Variants in DHX32 observed in about 807,000 individuals in gnomAD.
The protein encoded by DHX32 is putative pre-mRNA-splicing factor ATP-dependent RNA helicase DHX32.
In DHX32, 51 loss-of-function variants were observed where a neutral mutation model predicts 70.0. The observed-to-expected ratio is 0.73, with a 90% CI of 0.58 to 0.92. The LOEUF is 0.92. DHX32 is among the 40% of genes least tolerant of loss of function. The pLI, the probability that DHX32 is intolerant of heterozygous loss-of-function variation, is 0.00. For missense variants in DHX32, 762 were observed against 891.8 expected (o/e 0.85, Z 1.85); for synonymous variants, 310 against 315.3 (o/e 0.98, Z 0.18).
chr10:125,857,382 C>T (rs1157307302), intron 3 of DHX32, among the ~76,000 whole-genome samples: 15 of 152,154 alleles, frequency 9.9e-5, no homozygotes, highest in Non-Finnish European at 5.9e-5. Context: ...GGCTTGCTGC[C>T]CCACCCACAG....
intron 2 of DHX32, among the ~76,000 whole-genome samples, chr10:125,865,235 C>A (rs1018663206): frequency 5.7e-4 from 87 of 152,262 alleles, no homozygotes; most frequent in African/African-American, 2.1e-3. Context: ...CTTGTCCTGT[C>A]CAGCTCTTTA....
In DHX32 at chr10:125,860,904, C is replaced by T. The variant is rs181074181; in HGVS notation, c.477-929G>A. ...AGTAGCTGGGACTACAGGCGCCCGC[C>T]ACCACGCCTGGCTAATTTTTTGTAT... On this transcript the variant is annotated intron_variant, in intron 2 of 10. Transcript: ENST00000284690. Among the ~76,000 whole-genome samples, 695 of 151,884 alleles carry T rather than the reference C, an allele frequency of 4.6e-3. 3 individuals carry two copies. The highest frequency in any genetic ancestry group is 0.015 in the African/African-American group (641 of 41,464).
At chr10:125,877,657 G>A (rs1219590002) in intron 1 of DHX32, among the ~76,000 whole-genome samples, 8 of 152,140 alleles carry the variant, frequency 5.3e-5, no homozygotes, top group African/African-American at 1.9e-4. Context: ...CTGCATTCCA[G>A]CCTGGGTGAC....
chr10:125,860,500 A>G (rs927180228), intron 2 of DHX32, among the ~76,000 whole-genome samples: 26 of 152,322 alleles, frequency 1.7e-4, no homozygotes, highest in Admixed American at 9.8e-4. Flanking sequence ...TGATATCATT[A>G]AGATGTCATC....
At chr10:125,874,249 A>AAAC (rs1463377489) in intron 1 of DHX32, among the ~76,000 whole-genome samples, 1 of 152,234 alleles carries the variant, frequency 6.6e-6, no homozygotes, top group Non-Finnish European at 1.5e-5. Context: ...CAAACTCTTA[A>AAAC]AACAACAACA....
In DHX32 at chr10:125,854,024, T is replaced by C; in HGVS notation, c.1029A>G (p.Gly343=). The C allele has an allele frequency of 2.5e-6, 4 of 1,614,060 alleles. No individual in the cohort carries two copies. Among genetic ancestry groups the C allele is most frequent in the Non-Finnish European group, 2.5e-6 (3 of 1,179,980 alleles). Residue 343 remains glycine (G), a synonymous_variant, in exon 4 of 11, where the codon GGA becomes GGG. Coordinates refer to ENST00000284690, the MANE Select transcript of DHX32 (RefSeq NM_018180.3). ...CTGAGTTGCTCCAGATCAAAAACTC[T>C]CCAGAGCTAGTAGTTAACACCACTC... is the stretch of plus-strand genomic sequence containing the variant. The part of the protein sequence containing the change: ...QRRVVLTTSS[G]EFLIWSNSVR...
chr10:125,840,361 C>T (rs997980992), intron 8 of DHX32, among the ~76,000 whole-genome samples: 10 of 152,232 alleles, frequency 6.6e-5, no homozygotes, highest in Admixed American at 3.3e-4. Flanking sequence ...TATCAAGCTC[C>T]GTCAGCAACT....
intron 1 of DHX32, among the ~76,000 whole-genome samples, chr10:125,891,028 C>G (rs1433115285): frequency 4.6e-5 from 7 of 152,148 alleles, no homozygotes; most frequent in Non-Finnish European, 7.4e-5. Context: ...TAATATACCA[C>G]TCCCTACAAA....
chr10:125,871,862 CTTT>C (rs367881568), intron 1 of DHX32, among the ~76,000 whole-genome samples: 135 of 131,216 alleles, frequency 1.0e-3, no homozygotes, highest in Admixed American at 5.0e-3. Flanking sequence ...TGCTTCTTTT[CTTT>C]TTTTTTTTTT....
intron 3 of DHX32, among the ~76,000 whole-genome samples, chr10:125,855,450 T>C (rs1052177804): frequency 4.7e-5 from 6 of 128,576 alleles, no homozygotes; most frequent in Non-Finnish European, 9.4e-5. Flanking sequence ...GATAAACTGT[T>C]TTTTTTTTTT....
chr10:125,853,880 G>C, intron 4 of DHX32, 81 bp downstream of exon 4: 1 of 1,513,884 alleles, frequency 6.6e-7, no homozygotes, highest in Non-Finnish European at 8.9e-7. Flanking sequence ...CTCACTTCCT[G>C]ATCAGTAAAA....
chr10:125,868,012 A>T (rs996945414), intron 1 of DHX32, among the ~76,000 whole-genome samples: 8 of 152,326 alleles, frequency 5.3e-5, no homozygotes, highest in African/African-American at 1.9e-4. Flanking sequence ...CATTTCTCTG[A>T]TAATAAAAGC....
rs763765334 is a variant in DHX32 at position 125,852,523 on chromosome 10, A to G, written c.1192+20T>C. On this transcript the variant is annotated intron_variant, in intron 5 of 10. Transcript: ENST00000284690. ...CATACAAGAATTGACAACATTTAGT[A>G]TTTGTGTCCACAGCACTACCTGAAG... 23 of 1,612,988 alleles carry G rather than the reference A, an allele frequency of 1.4e-5. No individual in the cohort carries two copies. In the Admixed American group the frequency reaches 2.7e-4, roughly 19 times the overall value.
At chr10:125,879,333 G>A (rs981009972) in intron 1 of DHX32, among the ~76,000 whole-genome samples, 2 of 151,884 alleles carry the variant, frequency 1.3e-5, no homozygotes, top group African/African-American at 2.4e-5. Flanking sequence ...CCACTATCCC[G>A]TTAAACAAAC....
rs73381266 is a variant in DHX32, at chr10:125,865,859, G to A, written c.476+1131C>T. On this transcript the variant is annotated intron_variant, in intron 2 of 10. Transcript: ENST00000284690. ...GGTTTTCTGAATGGAGATAAGAACC[G>A]CACCAGAGTGCAGTGCTAGCTGGGA... 4.4e-3 allele frequency among the ~76,000 whole-genome samples: 667 copies of A among 152,186 alleles called. 4 individuals are homozygous for A. The highest frequency in any genetic ancestry group is 0.014 in the African/African-American group (599 of 41,540).
intron 3 of DHX32, among the ~76,000 whole-genome samples, chr10:125,859,230 C>T (rs920074090): frequency 3.9e-5 from 6 of 151,990 alleles, no homozygotes; most frequent in Non-Finnish European, 8.8e-5. Context: ...ACAAACACAC[C>T]TGCTCACAGG....
intron 3 of DHX32, among the ~76,000 whole-genome samples, chr10:125,855,161 G>A (rs1944135358): frequency 6.6e-6 from 1 of 151,284 alleles, no homozygotes. Context: ...GACAGAGGTT[G>A]CAGCGAGCCG....
chr10:125,861,101 C>T (rs924485426), intron 2 of DHX32, among the ~76,000 whole-genome samples: 1 of 152,076 alleles, frequency 6.6e-6, no homozygotes, highest in Non-Finnish European at 1.5e-5. Flanking sequence ...TTTATTTATT[C>T]TTGTACATGG....
intron 1 of DHX32, among the ~76,000 whole-genome samples, chr10:125,888,152 T>A (rs144101848): frequency 6.6e-6 from 1 of 152,102 alleles, no homozygotes; most frequent in Non-Finnish European, 1.5e-5. Context: ...AAAATTATTA[T>A]GTTTATATTA....
Sources: allele counts gnomAD v4.1 joint callset (sites outside exome capture counted in the v4.1 genomes callset), GRCh38; gene constraint gnomAD v4.1.1; transcripts MANE v1.5; gene names NCBI Gene and HGNC (gene_info 2026-07-23, HGNC 2026-07-21).